The following TMEM132C variants were observed in gnomAD, a reference collection of about 807,000 sequenced individuals.
TMEM132C encodes the protein protein phosphatase 1, regulatory subunit 152.
TMEM132C carries 29 observed loss-of-function variants against 61.4 expected under a neutral mutation model. The observed-to-expected ratio is 0.47, with a 90% CI of 0.35 to 0.64. The LOEUF is 0.64. Ranked by LOEUF, TMEM132C falls within the 30% of genes least tolerant of loss-of-function variation. The probability of loss-of-function intolerance (pLI) is 0.00; values close to 1 mark genes in which losing one functional copy is unlikely to be tolerated. For synonymous variants in TMEM132C, 656 were observed against 633.1 expected (o/e 1.04, Z -0.54); for missense variants, 1,408 against 1,476.9 (o/e 0.95, Z 0.76).
At chr12:128,475,423 C>T (rs919238082) in intron 2 of TMEM132C, among the ~76,000 whole-genome samples, 5 of 151,868 alleles carry the variant, frequency 3.3e-5, no homozygotes, top group African/African-American at 4.8e-5. Context: ...GGGGAGGGAC[C>T]GCTAACTGGC....
intron 4 of TMEM132C, among the ~76,000 whole-genome samples, chr12:128,641,571 A>G (rs1299845079): frequency 3.9e-5 from 6 of 152,264 alleles, no homozygotes; most frequent in African/African-American, 1.4e-4. Flanking sequence ...GCCAAGGATC[A>G]CCAAAGATTC....
At chr12:128,528,302 G>A (rs141389265) in intron 2 of TMEM132C, among the ~76,000 whole-genome samples, 6 of 152,256 alleles carry the variant, frequency 3.9e-5, no homozygotes, top group Non-Finnish European at 5.9e-5. Flanking sequence ...ACCACAGCAC[G>A]ATCTCTCCTC....
chr12:128,558,190 G>A (rs1239017680), intron 3 of TMEM132C, among the ~76,000 whole-genome samples: 4 of 152,138 alleles, frequency 2.6e-5, no homozygotes, highest in African/African-American at 9.7e-5. Flanking sequence ...TTACACAGTG[G>A]TACAGAATAT....
intron 1 of TMEM132C, among the ~76,000 whole-genome samples, chr12:128,304,633 GAAAGA>G (rs1464935503): frequency 2.0e-5 from 2 of 102,160 alleles, no homozygotes; most frequent in African/African-American, 6.5e-5. Context: ...AAGAAAGAAA[GAAAGA>G]AAAAAAAGAA....
intron 2 of TMEM132C, among the ~76,000 whole-genome samples, chr12:128,494,477 T>C (rs1159295270): frequency 1.3e-5 from 2 of 152,248 alleles, no homozygotes; most frequent in African/African-American, 2.4e-5. Context: ...TGTCTGGTCC[T>C]GGACTTCTTT....
rs56832855 is a variant in TMEM132C at position 128,630,946 on chromosome 12, C to T, written c.1305+14611C>T. Among the ~76,000 whole-genome samples the T allele has an allele frequency of 0.011, 1,674 of 152,224 alleles. 37 individuals are homozygous for T. The highest frequency in any genetic ancestry group is 0.039 in the African/African-American group (1,610 of 41,538). ...ACTCAGGAGGCTGAGACACGAGAAT[C>T]GCTTGAACCTGGGAGGCGGAGGCTG... On this transcript the variant is annotated intron_variant, in intron 4 of 8. Coordinates refer to ENST00000435159, the MANE Select transcript of TMEM132C (RefSeq NM_001136103.3). This position sits in a 1 kb window ranked among gnomAD's most constrained non-coding sequence, Gnocchi z 4.3.
intron 1 of TMEM132C, among the ~76,000 whole-genome samples, chr12:128,389,209 T>G (rs1874687599): frequency 6.6e-6 from 1 of 152,186 alleles, no homozygotes; most frequent in African/African-American, 2.4e-5. Context: ...GATACTGATC[T>G]GGGCACTGGG....
intron 2 of TMEM132C, among the ~76,000 whole-genome samples, chr12:128,526,527 T>C (rs148034917): frequency 5.2e-4 from 79 of 152,326 alleles, no homozygotes; most frequent in Non-Finnish European, 9.1e-4. Flanking sequence ...ACACATGAGT[T>C]GGGGATGATG....
At chr12:128,651,055 G>A (rs563207935) in intron 4 of TMEM132C, among the ~76,000 whole-genome samples, 55 of 152,300 alleles carry the variant, frequency 3.6e-4, no homozygotes, top group African/African-American at 1.3e-3. Context: ...GCTGTCCTGA[G>A]CCTCGCCCAG....
chr12:128,504,685 A>G (rs1872298747), intron 2 of TMEM132C, among the ~76,000 whole-genome samples: 2 of 151,814 alleles, frequency 1.3e-5, no homozygotes, highest in Admixed American at 1.3e-4. Context: ...CTCTTCTAAT[A>G]AGTACGCCAG....
intron 1 of TMEM132C, among the ~76,000 whole-genome samples, chr12:128,402,933 A>G (rs1283747541): frequency 2.6e-5 from 4 of 152,180 alleles, no homozygotes; most frequent in Non-Finnish European, 5.9e-5. Context: ...ACTGAGTAGC[A>G]TCTGAGAGTG....
intron 1 of TMEM132C, among the ~76,000 whole-genome samples, chr12:128,413,429 A>AATG (rs1395240420): frequency 1.3e-5 from 2 of 151,796 alleles, no homozygotes; most frequent in African/African-American, 4.8e-5. Context: ...GAAAAGTGCA[A>AATG]ATGTAATGCC....
At chr12:128,368,263 G>C (rs1257176595) in intron 1 of TMEM132C, among the ~76,000 whole-genome samples, 1 of 152,236 alleles carries the variant, frequency 6.6e-6, no homozygotes, top group Non-Finnish European at 1.5e-5. Context: ...CTGCTTTACA[G>C]CCGGAAGCAA....
At chr12:128,547,419 C>A (rs1465473368) in intron 3 of TMEM132C, among the ~76,000 whole-genome samples, 1 of 150,120 alleles carries the variant, frequency 6.7e-6, no homozygotes. Context: ...AAAAAATTAG[C>A]CGGGCGTGGT....
intron 4 of TMEM132C, among the ~76,000 whole-genome samples, chr12:128,619,014 G>A (rs1009539491): frequency 2.6e-5 from 4 of 152,062 alleles, no homozygotes; most frequent in African/African-American, 9.7e-5. Flanking sequence ...ATAAGCTTTA[G>A]GACATTTATA....
intron 4 of TMEM132C, among the ~76,000 whole-genome samples, chr12:128,638,553 A>G (rs1403548770): frequency 1.3e-5 from 2 of 152,158 alleles, no homozygotes; most frequent in Admixed American, 1.3e-4. Flanking sequence ...AACCTATATT[A>G]TCTTCATTTT....
intron 1 of TMEM132C, among the ~76,000 whole-genome samples, chr12:128,332,798 T>G (rs1872695475): frequency 6.6e-6 from 1 of 152,198 alleles, no homozygotes; most frequent in Non-Finnish European, 1.5e-5. Context: ...ATCGGCATGT[T>G]CCCAATCATC....
chr12:128,575,728 C>G (rs1342491903), intron 3 of TMEM132C, among the ~76,000 whole-genome samples: 1 of 152,156 alleles, frequency 6.6e-6, no homozygotes, highest in Non-Finnish European at 1.5e-5. Context: ...CCATTGCTAT[C>G]ATTTATTTAA....
chr12:128,678,494 T>C (rs1387071888), intron 5 of TMEM132C, among the ~76,000 whole-genome samples: 2 of 152,218 alleles, frequency 1.3e-5, no homozygotes, highest in Non-Finnish European at 2.9e-5. Context: ...AGTTCTTTCA[T>C]CTGCAAAATG....
Sources: allele counts gnomAD v4.1 joint callset (sites outside exome capture counted in the v4.1 genomes callset), GRCh38; gene constraint gnomAD v4.1.1; non-coding constraint Gnocchi (gnomAD v3.1); transcripts MANE v1.5; gene names NCBI Gene and HGNC (gene_info 2026-07-23, HGNC 2026-07-21).